The following NEDD4 variants were observed in gnomAD, a reference collection of about 807,000 sequenced individuals.
NEDD4 encodes the protein NEDD4 E3 ubiquitin protein ligase, also known as E3 ubiquitin-protein ligase NEDD4.
In NEDD4, 99 loss-of-function variants were observed where a neutral mutation model predicts 144.9. The ratio of observed to expected loss-of-function variants is 0.68; its 90% CI spans 0.58 to 0.81. NEDD4 has a LOEUF of 0.81. Ranked by LOEUF, NEDD4 falls within the 30% of genes least tolerant of loss-of-function variation. The pLI is 0.00. For missense variants in NEDD4, 985 were observed against 1,065.9 expected (o/e 0.92, Z 1.06); for synonymous variants, 318 against 350.6 (o/e 0.91, Z 1.04).
At chr15:55,886,182 A>T (rs1398684515) in intron 5 of NEDD4, among the ~76,000 whole-genome samples, 1 of 152,216 alleles carries the variant, frequency 6.6e-6, no homozygotes. Flanking sequence ...CCAACACTGG[A>T]GCACTCAGAT....
chr15:55,882,113 T>C (rs1423384832), intron 5 of NEDD4, among the ~76,000 whole-genome samples: 1 of 152,142 alleles, frequency 6.6e-6, no homozygotes, highest in African/African-American at 2.4e-5. Flanking sequence ...AGGCAGGAAG[T>C]GGAGCAAGAA....
In NEDD4 at chr15:55,829,673, T is replaced by A. The variant is rs2032851738; in HGVS notation, c.*224A>T. 2 of 401,516 alleles carry A rather than the reference T, an allele frequency of 5.0e-6. No homozygotes were observed. Among genetic ancestry groups the A allele is most frequent in the East Asian group, 4.7e-5 (1 of 21,430 alleles). The allele number at this position is 401,516 out of a possible 1,614,324, so 24.9% of individuals were successfully genotyped here. On this transcript the variant is annotated 3_prime_UTR_variant, in exon 29 of 29. Transcript: ENST00000435532. ...TGGTGCCTGGCTTTAGGCAGGCACC[T>A]AACTCTAAAGACAGCATGAAACAAC...
chr15:55,969,840 G>A (rs2037577485), intron 1 of NEDD4, among the ~76,000 whole-genome samples: 1 of 152,068 alleles, frequency 6.6e-6, no homozygotes, highest in Non-Finnish European at 1.5e-5. Flanking sequence ...ATTCCCAGCT[G>A]TGGCGGCCAC....
At chr15:55,949,219 A>G (rs571580690) in intron 4 of NEDD4, among the ~76,000 whole-genome samples, 1 of 152,348 alleles carries the variant, frequency 6.6e-6, no homozygotes, top group South Asian at 2.1e-4. Flanking sequence ...ATCACTGGCC[A>G]TCAGAGAAAT....
chr15:55,860,767 G>A lies in NEDD4; in HGVS notation c.686C>T (p.Thr229Ile). 2 of 1,613,902 alleles carry A rather than the reference G, an allele frequency of 1.2e-6. No individual in the cohort carries two copies. The highest frequency in any genetic ancestry group is 8.5e-7 in the Non-Finnish European group (1 of 1,179,862). The part of the protein sequence containing the change: ...WKRPTPQDNL[T>I]DAENGNIQLQ... ...TTGAATGTTGCCATTCTCAGCATCTGTTAGGTTGTCCCTATATTGGAAGTA... is the reference window on the plus strand; with the variant it reads ...TTGAATGTTGCCATTCTCAGCATCTATTAGGTTGTCCCTATATTGGAAGTA... The change falls in exon 10 of 29, where the codon ACA becomes ATA. Residue 229 changes from threonine to isoleucine, a missense_variant. By Grantham distance (89) the Thr-to-Ile change is moderately conservative. Transcript: ENST00000435532.
chr15:55,895,780 T>C (rs1054798306), intron 5 of NEDD4, among the ~76,000 whole-genome samples: 8 of 152,190 alleles, frequency 5.3e-5, no homozygotes, highest in Admixed American at 3.3e-4. Context: ...GCAATGATTG[T>C]TAATAGCTGA....
intron 1 of NEDD4, among the ~76,000 whole-genome samples, chr15:55,988,422 T>A (rs11634038): frequency 0.2 from 23,131 of 117,320 alleles, 2,963 homozygotes; most frequent in Non-Finnish European, 0.27. Context: ...CATGTATACA[T>A]ATGTAACTAA....
chr15:55,924,588 G>A (rs949364697), intron 5 of NEDD4, 58 bp downstream of exon 5: 1 of 1,465,394 alleles, frequency 6.8e-7, no homozygotes, highest in Non-Finnish European at 9.4e-7. Context: ...ACTTCCCCTG[G>A]CTGCTCCACT....
At position 55,916,022 on chromosome 15, in the gene NEDD4, A is replaced by C. The variant is rs201996136; in HGVS notation, c.291+8624T>G. The C allele has an allele frequency of 4.5e-4, 734 of 1,613,892 alleles. 3 individuals carry two copies. Among genetic ancestry groups the C allele is most frequent in the Non-Finnish European group, 3.5e-5 (41 of 1,179,896 alleles). On this transcript the variant is annotated intron_variant, in intron 5 of 28. Transcript: ENST00000435532. ...TCGGTCGGGTAGTTGAAGGACTCCTAGGAAAAATGACTAAGGAGGAGTAAC... is the reference window on the plus strand; with the variant it reads ...TCGGTCGGGTAGTTGAAGGACTCCTCGGAAAAATGACTAAGGAGGAGTAAC...
At chr15:55,928,446 G>A (rs1301906028) in intron 4 of NEDD4, among the ~76,000 whole-genome samples, 1 of 152,196 alleles carries the variant, frequency 6.6e-6, no homozygotes, top group Non-Finnish European at 1.5e-5. Context: ...AGTATGGAAT[G>A]ATCCTTCATG....
At position 55,829,489 on chromosome 15, in the gene NEDD4, A is replaced by G. The variant is rs765861113; in HGVS notation, c.*408T>C. The G allele has an allele frequency of 6.4e-6, 1 of 156,008 alleles. No homozygotes were observed. The highest frequency in any genetic ancestry group is 1.9e-4 in the East Asian group (1 of 5,308). 9.7% of individuals were successfully genotyped at this position (156,008 alleles called of 1,614,324 possible). On this transcript the variant is annotated 3_prime_UTR_variant, in exon 29 of 29. Coordinates refer to ENST00000435532, the MANE Select transcript of NEDD4 (RefSeq NM_006154.4). ...TCAAAATGCATCAAACTTTTCACAC[A>G]TGACACGTATCACAAATATTTCACA...
rs569860046 is a variant in NEDD4, at chr15:55,841,720, C to T, written c.1838+214G>A. 5.7e-4 allele frequency among the ~76,000 whole-genome samples: 86 copies of T among 152,020 alleles called. No individual in the cohort carries two copies. The South Asian group carries it at 6.7e-3, about 12-fold the overall frequency. On this transcript the variant is annotated intron_variant, in intron 19 of 28. Coordinates refer to ENST00000435532, the MANE Select transcript of NEDD4 (RefSeq NM_006154.4). The stretch of plus-strand genomic sequence containing the variant: ...CTGAGTAGCTGGGACTACAGGCGCC[C>T]GCCACCACGCCTGGGTAAGTTTTTG...
At chr15:55,870,401 T>A (rs1369041772) in intron 7 of NEDD4, among the ~76,000 whole-genome samples, 3 of 152,214 alleles carry the variant, frequency 2.0e-5, no homozygotes, top group African/African-American at 7.2e-5. Context: ...ATTTTTATAT[T>A]GTATCACCTT....
chr15:55,938,686 A>G (rs569274653), intron 4 of NEDD4, among the ~76,000 whole-genome samples: 8 of 152,302 alleles, frequency 5.3e-5, no homozygotes, highest in South Asian at 2.1e-4. Flanking sequence ...ACAAAATGGG[A>G]AAAATATTTG....
intron 24 of NEDD4, among the ~76,000 whole-genome samples, chr15:55,837,537 T>A (rs1436662064): frequency 6.6e-6 from 1 of 152,094 alleles, no homozygotes; most frequent in East Asian, 1.9e-4. Flanking sequence ...AGCACTCTTG[T>A]TCTTTTGCTG....
In NEDD4 at chr15:55,840,594, C is replaced by T. The variant is rs1369695783; in HGVS notation, c.1960+12G>A. ...GTAATTATATTGTAAAAAGTTTATA[C>T]TTAATACTAACCATCCAACAGTTTG... On this transcript the variant is annotated intron_variant, in intron 20 of 28. Transcript: ENST00000435532. 3 of 1,613,918 alleles carry T rather than the reference C, an allele frequency of 1.9e-6. No homozygotes were observed. Among genetic ancestry groups the T allele is most frequent in the African/African-American group, 2.7e-5 (2 of 75,024 alleles).
At chr15:55,865,081 C>A (rs2034539445) in intron 8 of NEDD4, among the ~76,000 whole-genome samples, 1 of 151,562 alleles carries the variant, frequency 6.6e-6, no homozygotes, top group African/African-American at 2.4e-5. Context: ...GCCTGTAATC[C>A]CAGCTACTCG....
In NEDD4 at chr15:55,951,026, A is replaced by G. The variant is rs370624316; in HGVS notation, c.237+350T>C. On this transcript the variant is annotated intron_variant, in intron 4 of 28. Transcript: ENST00000435532. ...GTCAATGACGTGTGGATAAAAAGAA[A>G]TGCATTCACTTGATAGGCCCTAATC... Among the ~76,000 whole-genome samples the G allele has an allele frequency of 2.0e-5, 3 of 152,202 alleles. No individual in the cohort carries two copies. The East Asian group carries it at 5.8e-4, about 29-fold the overall frequency.
chr15:55,844,306 C>G (rs1228169105), intron 18 of NEDD4, among the ~76,000 whole-genome samples: 11 of 152,152 alleles, frequency 7.2e-5, no homozygotes, highest in African/African-American at 2.6e-4. Context: ...TGGGGAGCCA[C>G]ACGGTCAGAT....
Sources: gnomAD v4.1 joint callset for allele counts (sites outside exome capture counted in the v4.1 genomes callset) on GRCh38, gnomAD v4.1.1 for gene constraint, MANE v1.5 for transcripts, NCBI Gene and HGNC (gene_info 2026-07-23, HGNC 2026-07-21) for gene names.